KLHL13: variants seen among roughly 807,000 people sequenced by gnomAD.
KLHL13 encodes kelch-like protein 13.
Under a neutral mutation model 37.1 loss-of-function variants are expected in KLHL13, and 10 were observed. That is an observed-to-expected ratio of 0.27 (90% CI 0.17 to 0.46). The LOEUF (loss-of-function observed/expected upper bound fraction) is 0.46, where lower values mean the gene tolerates loss of function less well. Ranked by LOEUF, KLHL13 falls within the 20% of genes least tolerant of loss-of-function variation. KLHL13 has a pLI of 1.00. For synonymous variants in KLHL13, 163 were observed against 181.2 expected, an observed-to-expected ratio of 0.90 and a Z score of 0.81; for missense variants, 360 against 509.3, an observed-to-expected ratio of 0.71 and a Z score of 2.82.
At chrX:117,954,412 G>A (rs187531100) in intron 1 of KLHL13, among the ~76,000 whole-genome samples, 66 of 111,214 alleles carry the variant, frequency 5.9e-4, no homozygotes, top group African/African-American at 1.9e-3. Flanking sequence ...GTAGACGGAT[G>A]GATGGATGGA....
chrX:117,906,362 G>A (rs1450537376), intron 5 of KLHL13, among the ~76,000 whole-genome samples: 3 of 111,461 alleles, frequency 2.7e-5, no homozygotes, highest in African/African-American at 9.8e-5. Flanking sequence ...AGAGAAACAC[G>A]ATCATGGATA....
At position 118,059,494 on chromosome X, in the gene KLHL13, T is replaced by C. The variant is rs146353219; in HGVS notation, c.-56+57014A>G. Among the ~76,000 whole-genome samples the C allele has an allele frequency of 1.4e-3, 159 of 111,635 alleles. 2 individuals are homozygous for C. The highest frequency in any genetic ancestry group is 5.0e-3 in the African/African-American group (154 of 30,788). On this transcript the variant is annotated intron_variant, in intron 1 of 6. Coordinates refer to the KLHL13 transcript ENST00000371882. ...GGAGCACAGTCAATGATGACATCCA[T>C]TTTAAGCGATTTGGGGGCTTACTAG... is the stretch of plus-strand genomic sequence containing the variant.
intron 1 of KLHL13, among the ~76,000 whole-genome samples, chrX:117,955,007 A>T (rs1383348962): frequency 8.9e-6 from 1 of 112,304 alleles, no homozygotes; most frequent in East Asian, 2.8e-4. Context: ...TAGCTCATCA[A>T]CTTTAAAATT....
intron 2 of KLHL13, 56 bp downstream of exon 3, chrX:117,945,378 C>A: frequency 2.6e-6 from 3 of 1,136,013 alleles, no homozygotes; most frequent in African/African-American, 3.5e-5. Context: ...ATCACAAAAT[C>A]CATGGTGGGT....
At chrX:117,963,629 T>C (rs1407268894) in intron 1 of KLHL13, among the ~76,000 whole-genome samples, 2 of 99,444 alleles carry the variant, frequency 2.0e-5, no homozygotes, top group Non-Finnish European at 4.1e-5. Context: ...TCTAGATCCC[T>C]GAGGAATCGC....
chrX:118,116,194 G>C (rs2055466255), intron 1 of KLHL13, among the ~76,000 whole-genome samples: 2 of 111,327 alleles, frequency 1.8e-5, no homozygotes, highest in African/African-American at 6.5e-5. Flanking sequence ...CAACAGCGAG[G>C]CCCAGAGGAG....
At chrX:117,977,491 C>A (rs2053608959), upstream of KLHL13, among the ~76,000 whole-genome samples, 1 of 111,571 alleles carries the variant, frequency 9.0e-6, no homozygotes, top group South Asian at 3.7e-4. Flanking sequence ...TAATCTCTTG[C>A]TCCATTTTTT....
chrX:118,033,305 T>C lies in KLHL13; in HGVS notation c.-56+83203A>G, dbSNP rs1421156678. Among the ~76,000 whole-genome samples the C allele has an allele frequency of 3.6e-5, 4 of 110,069 alleles. No individual in the cohort carries two copies. In the Admixed American group the frequency reaches 3.9e-4, roughly 11 times the overall value. ...CACATAATTGTCACATTCACCAAAGTTGAAATGAAGGAAAAAATGTTAAGG... is the reference window on the plus strand; with the variant it reads ...CACATAATTGTCACATTCACCAAAGCTGAAATGAAGGAAAAAATGTTAAGG... On this transcript the variant is annotated intron_variant, in intron 1 of 6. Coordinates refer to the KLHL13 transcript ENST00000371882.
chrX:118,054,089 A>AT (rs1298915847), intron 1 of KLHL13, among the ~76,000 whole-genome samples: 4 of 111,425 alleles, frequency 3.6e-5, no homozygotes, highest in Non-Finnish European at 7.5e-5. Context: ...ACTGCTGAGC[A>AT]TTTTATAGGG....
intron 5 of KLHL13, among the ~76,000 whole-genome samples, chrX:117,908,328 TGG>T (rs1930701703): frequency 9.2e-6 from 1 of 108,944 alleles, no homozygotes; most frequent in Non-Finnish European, 1.9e-5. Context: ...CGTGCCATGG[TGG>T]TTTGCTGCAC....
intron 1 of KLHL13, among the ~76,000 whole-genome samples, chrX:118,093,006 C>A (rs1388879035): frequency 9.0e-6 from 1 of 111,548 alleles, no homozygotes; most frequent in Non-Finnish European, 1.9e-5. Flanking sequence ...CAAATTCTAT[C>A]AGCATCAGTT....
rs929351484 is a variant in KLHL13, at chrX:118,031,650, T to C, written c.-56+84858A>G. ...GTATATATATTTAGTTATATATATA[T>C]ATTTAGTTATATATAATATATATAA... On this transcript the variant is annotated intron_variant, in intron 1 of 6. Transcript: ENST00000371882. Among the ~76,000 whole-genome samples, 3 of 100,776 alleles carry C rather than the reference T, an allele frequency of 3.0e-5. No homozygotes were observed. The Admixed American group carries it at 3.5e-4, about 12-fold the overall frequency. 87.5% of individuals were successfully genotyped at this position (100,776 alleles called of 115,157 possible).
intron 1 of KLHL13, among the ~76,000 whole-genome samples, chrX:117,966,787 C>T (rs966267790): frequency 9.9e-5 from 11 of 111,467 alleles, no homozygotes; most frequent in Admixed American, 4.8e-4. Context: ...TTTGACAAAC[C>T]GGAGAAAAAC....
intron 1 of KLHL13, among the ~76,000 whole-genome samples, chrX:117,960,105 T>C (rs892129728): frequency 4.5e-5 from 5 of 111,052 alleles, no homozygotes; most frequent in African/African-American, 1.6e-4. Flanking sequence ...AGGCCAAGTG[T>C]GGTGGCTCAT....
chrX:117,916,174 C>CA (rs1417854441), intron 4 of KLHL13, among the ~76,000 whole-genome samples: 23 of 88,423 alleles, frequency 2.6e-4, no homozygotes, highest in South Asian at 1.2e-3. Context: ...ACAAAACAAA[C>CA]AAACAAAAAA....
chrX:117,983,898 C>A (rs551039426), intron 1 of KLHL13, among the ~76,000 whole-genome samples: 1 of 111,199 alleles, frequency 9.0e-6, no homozygotes, highest in Admixed American at 9.5e-5. Flanking sequence ...ATATACTCGC[C>A]CCTTGGAATA....
chrX:118,019,927 G>A (rs1166161479), intron 1 of KLHL13, among the ~76,000 whole-genome samples: 1 of 105,726 alleles, frequency 9.5e-6, no homozygotes, highest in Non-Finnish European at 1.9e-5. Flanking sequence ...CAGGTAGTGT[G>A]ATGCCTCCAG....
intron 1 of KLHL13, among the ~76,000 whole-genome samples, chrX:117,962,030 C>T (rs1201574023): frequency 1.1e-5 from 1 of 90,589 alleles, no homozygotes; most frequent in Non-Finnish European, 2.0e-5. Flanking sequence ...ACAGCGAGAC[C>T]TCATCTCTAC....
rs183297622 is a variant in KLHL13 at position 117,915,631 on chromosome X, A to C, written c.570+3890T>G. 3.8e-3 allele frequency among the ~76,000 whole-genome samples: 429 copies of C among 112,226 alleles called. 3 individuals carry two copies. The highest frequency in any genetic ancestry group is 0.014 in the Middle Eastern group (3 of 216). Reference sequence around the variant, plus strand: ...AATGCTTTTATACAAACATAAAGTGATTTCTTTCTCACCTTTATTCTGTTT... The same window carrying C: ...AATGCTTTTATACAAACATAAAGTGCTTTCTTTCTCACCTTTATTCTGTTT... On this transcript the variant is annotated intron_variant, in intron 4 of 6. Coordinates refer to ENST00000262820, the Ensembl canonical transcript of KLHL13.
Sources: allele counts gnomAD v4.1 joint callset (sites outside exome capture counted in the v4.1 genomes callset), GRCh38; gene constraint gnomAD v4.1.1; transcripts MANE v1.5; gene names NCBI Gene and HGNC (gene_info 2026-07-23, HGNC 2026-07-21).